The following FMN1 variants were observed in gnomAD, a reference collection of about 807,000 sequenced individuals.
FMN1 encodes the protein formin 1.
Under a neutral mutation model 132.4 loss-of-function variants are expected in FMN1, and 110 were observed. That is an observed-to-expected ratio of 0.83 (90% confidence interval 0.71 to 0.97). FMN1 has a LOEUF of 0.97. FMN1 is among the 50% of genes least tolerant of loss of function. The probability of loss-of-function intolerance (pLI) is 0.00; values close to 1 mark genes in which losing one functional copy is unlikely to be tolerated. For synonymous variants in FMN1, 722 were observed against 651.7 expected (o/e 1.11, Z -1.64); for missense variants, 1,792 against 1,705.3 (o/e 1.05, Z -0.90).
At chr15:33,125,582 G>A (rs1038727523) in intron 4 of FMN1, among the ~76,000 whole-genome samples, 1 of 152,128 alleles carries the variant, frequency 6.6e-6, no homozygotes, top group Non-Finnish European at 1.5e-5. Context: ...TCTCACACCT[G>A]TAATCCCAGC....
At chr15:32,961,629 G>C (rs1158434380) in intron 9 of FMN1, among the ~76,000 whole-genome samples, 1 of 152,180 alleles carries the variant, frequency 6.6e-6, no homozygotes, top group Non-Finnish European at 1.5e-5. Flanking sequence ...AGTAGTAACA[G>C]TAGCAAAAAC....
chr15:33,009,054 G>A (rs148353680), intron 6 of FMN1, among the ~76,000 whole-genome samples: 4 of 152,266 alleles, frequency 2.6e-5, no homozygotes, highest in East Asian at 1.9e-4. Context: ...GCAAAGCCAC[G>A]CCAGAAAAGT....
chr15:32,848,545 G>A (rs548902030), intron 17 of FMN1, among the ~76,000 whole-genome samples: 4 of 152,156 alleles, frequency 2.6e-5, no homozygotes, highest in Non-Finnish European at 5.9e-5. Flanking sequence ...TTCCTTTTAA[G>A]TTGTCCAGTT....
At chr15:32,808,644 T>C (rs1036753358) in intron 17 of FMN1, among the ~76,000 whole-genome samples, 3 of 152,326 alleles carry the variant, frequency 2.0e-5, no homozygotes, top group African/African-American at 7.2e-5. Flanking sequence ...AGATCTACCT[T>C]GCAAAGTGCT....
intron 6 of FMN1, 38 bp from the exon 7 acceptor site, chr15:33,008,113 C>G: frequency 6.7e-7 from 1 of 1,503,376 alleles, no homozygotes; most frequent in Non-Finnish European, 9.1e-7. Context: ...TAAAGAAGTA[C>G]AAAATTAAGC....
intron 6 of FMN1, among the ~76,000 whole-genome samples, chr15:33,019,740 C>A (rs1442881839): frequency 6.6e-6 from 1 of 152,222 alleles, no homozygotes; most frequent in Non-Finnish European, 1.5e-5. Context: ...CCCCTCACTG[C>A]CCGCGGCAGG....
chr15:32,862,652 G>T (rs2059297545), intron 16 of FMN1, among the ~76,000 whole-genome samples: 1 of 152,190 alleles, frequency 6.6e-6, no homozygotes, highest in African/African-American at 2.4e-5. Context: ...AGCCTAGGCA[G>T]GTTAGAAAAA....
chr15:32,838,920 A>G (rs1187262567), intron 17 of FMN1, among the ~76,000 whole-genome samples: 1 of 152,192 alleles, frequency 6.6e-6, no homozygotes, highest in Non-Finnish European at 1.5e-5. Context: ...CGATAGTCCA[A>G]AAGATGAGTG....
At chr15:33,103,375 T>C (rs1362704968) in intron 4 of FMN1, among the ~76,000 whole-genome samples, 11 of 152,128 alleles carry the variant, frequency 7.2e-5, no homozygotes, top group Non-Finnish European at 1.3e-4. Context: ...CTGGAGTTAC[T>C]ATAAAGATTA....
At chr15:32,930,369 T>C (rs2140378029) in intron 9 of FMN1, among the ~76,000 whole-genome samples, 1 of 152,102 alleles carries the variant, frequency 6.6e-6, no homozygotes, top group African/African-American at 2.4e-5. Context: ...TGTACAAAGG[T>C]CCCACTTTGT....
At chr15:33,077,460 A>AC (rs1191235531) in intron 5 of FMN1, among the ~76,000 whole-genome samples, 2 of 150,910 alleles carry the variant, frequency 1.3e-5, no homozygotes, top group Non-Finnish European at 2.9e-5. Context: ...GGTGTGCTGT[A>AC]CCCAATAACT....
In FMN1 at chr15:32,785,218, A is replaced by ATTTTTTTTTTTTTTTT. The variant is rs1230723314; in HGVS notation, c.4131-8315_4131-8300dup. 2.0e-4 allele frequency among the ~76,000 whole-genome samples: 8 copies of ATTTTTTTTTTTTTTTT among 39,204 alleles called. 1 individual carries two copies. Among genetic ancestry groups the ATTTTTTTTTTTTTTTT allele is most frequent in the Non-Finnish European group, 2.7e-4 (6 of 22,118 alleles). The allele number at this position is 39,204 out of a possible 152,430, so 25.7% of individuals were successfully genotyped here. A position where few individuals can be genotyped will look rare whatever the true frequency, so the allele number is the denominator to read the frequency against. ...TGTGTGTGTATATATATATATATATATTTTTTTTTTTTTTTTTTTGTAGAG... is the reference window on the plus strand; with the variant it reads ...TGTGTGTGTATATATATATATATATATTTTTTTTTTTTTTTTTTTTTTTTTTTTTTTTTTTGTAGAG... On this transcript the variant is annotated intron_variant, in intron 19 of 20. Transcript: ENST00000616417.
intron 4 of FMN1, among the ~76,000 whole-genome samples, chr15:33,115,300 A>G (rs1463560502): frequency 1.3e-5 from 2 of 152,190 alleles, no homozygotes; most frequent in Non-Finnish European, 2.9e-5. Flanking sequence ...CATGGGAAAT[A>G]ATACTTGAAG....
At chr15:33,181,811 C>A (rs904368240) in intron 2 of FMN1, among the ~76,000 whole-genome samples, 4 of 148,386 alleles carry the variant, frequency 2.7e-5, no homozygotes, top group Non-Finnish European at 5.9e-5. Context: ...CAGGTTAAAG[C>A]GATTCTCCTT....
chr15:33,048,088 A>T (rs572654566), intron 6 of FMN1, among the ~76,000 whole-genome samples: 86 of 152,096 alleles, frequency 5.7e-4, no homozygotes, highest in African/African-American at 2.0e-3. Context: ...ATCTTTGGGA[A>T]ATAAAAAGTT....
intron 16 of FMN1, among the ~76,000 whole-genome samples, chr15:32,867,316 G>A (rs2059413318): frequency 6.6e-6 from 1 of 152,158 alleles, no homozygotes; most frequent in African/African-American, 2.4e-5. Flanking sequence ...CCCTCCATGC[G>A]CTACGTCTTG....
At chr15:33,105,107 A>C (rs1237727760) in intron 4 of FMN1, among the ~76,000 whole-genome samples, 1 of 152,040 alleles carries the variant, frequency 6.6e-6, no homozygotes, top group East Asian at 1.9e-4. Context: ...CAAAGAGGGA[A>C]TGAGCAACCA....
chr15:32,944,835 T>G (rs898819071), intron 9 of FMN1, among the ~76,000 whole-genome samples: 1 of 152,114 alleles, frequency 6.6e-6, no homozygotes, highest in Non-Finnish European at 1.5e-5. Flanking sequence ...TTGTGTAATG[T>G]AGAAGACAAA....
At chr15:32,978,302 G>A (rs2032375769) in intron 7 of FMN1, among the ~76,000 whole-genome samples, 1 of 152,126 alleles carries the variant, frequency 6.6e-6, no homozygotes, top group Non-Finnish European at 1.5e-5. Context: ...TTATACTTGA[G>A]ACACAAAACA....
Sources: gnomAD v4.1 joint callset for allele counts (sites outside exome capture counted in the v4.1 genomes callset) on GRCh38, gnomAD v4.1.1 for gene constraint, MANE v1.5 for transcripts, NCBI Gene and HGNC (gene_info 2026-07-23, HGNC 2026-07-21) for gene names.